FNIP1: variants seen among roughly 807,000 people sequenced by gnomAD.
FNIP1 encodes folliculin-interacting protein 1.
Under a neutral mutation model 124.5 loss-of-function variants are expected in FNIP1, and 40 were observed. That is an observed-to-expected ratio of 0.32 (90% CI 0.25 to 0.42). The LOEUF (loss-of-function observed/expected upper bound fraction) is 0.42, where lower values mean the gene tolerates loss of function less well. FNIP1 is among the 10% of genes least tolerant of loss of function. The pLI, the probability that FNIP1 is intolerant of heterozygous loss-of-function variation, is 1.00. For missense variants in FNIP1, 1,176 were observed against 1,403.7 expected (o/e 0.84, Z 2.59); for synonymous variants, 472 against 470.6 (o/e 1.00, Z -0.04).
rs931655299 is a variant in FNIP1, at chr5:131,644,399, C to A, written c.*286G>T. 2 of 258,830 alleles carry A rather than the reference C, an allele frequency of 7.7e-6. No individual in the cohort carries two copies. Among genetic ancestry groups the A allele is most frequent in the African/African-American group, 2.3e-5 (1 of 43,812 alleles). The allele number at this position is 258,830 out of a possible 1,614,324, so 16.0% of individuals were successfully genotyped here. On this transcript the variant is annotated 3_prime_UTR_variant, in exon 18 of 18. Coordinates refer to ENST00000510461, the MANE Select transcript of FNIP1 (RefSeq NM_133372.3). ...ATCACATGAAACTCTTGATAATATT[C>A]ATTTTGTAGAAATTTCTACCGTACA...
chr5:131,793,203 T>TTA (rs1347880284), intron 1 of FNIP1, among the ~76,000 whole-genome samples: 1 of 152,132 alleles, frequency 6.6e-6, no homozygotes, highest in African/African-American at 2.4e-5. Flanking sequence ...GGCTAATTTT[T>TTA]TATATTTTTT....
Position 131,672,601 on chromosome 5 carries a change from G to T in FNIP1, c.1843C>A (p.His615Asn). ...TPNCNCKYCS[H>N]PLLGQNVENI... ...TCTACATTTTGCCCAAGGAGTGGAT[G>T]ACTGCAATATTTACAGTTACAATTG... The change falls in exon 14 of 18, where the codon CAT becomes AAT. Residue 615 changes from histidine (H) to asparagine (N), a missense_variant. By Grantham distance (68) the His-to-Asn change is moderately conservative (BLOSUM62 1). This residue lies in a region of FNIP1 where 1,109 missense variants were observed against 1,288.5 expected (regional missense o/e 0.86). Transcript: ENST00000510461. 6.2e-7 allele frequency: 1 copy of T among 1,614,102 alleles called. No individual in the cohort carries two copies. Among genetic ancestry groups the T allele is most frequent in the South Asian group, 1.1e-5 (1 of 91,058 alleles).
At chr5:131,699,674 G>A (rs1178097677) in intron 10 of FNIP1, among the ~76,000 whole-genome samples, 2 of 151,910 alleles carry the variant, frequency 1.3e-5, no homozygotes, top group Admixed American at 6.5e-5. Context: ...TTATAGGCAT[G>A]AGCCACTGCC....
intron 1 of FNIP1, among the ~76,000 whole-genome samples, chr5:131,749,392 C>CTTT (rs1330566507): frequency 7.5e-6 from 1 of 133,098 alleles, no homozygotes; most frequent in Non-Finnish European, 1.6e-5. Flanking sequence ...CACTTTTTAT[C>CTTT]TTTTTTTTTT....
chr5:131,697,326 T>C (rs750431038), intron 11 of FNIP1, among the ~76,000 whole-genome samples: 30 of 152,226 alleles, frequency 2.0e-4, no homozygotes, highest in Non-Finnish European at 1.5e-4. Flanking sequence ...GGTCTCACTA[T>C]GTTGCCCAGG....
chr5:131,697,807 A>T (rs1022858131), intron 11 of FNIP1, among the ~76,000 whole-genome samples: 2 of 151,564 alleles, frequency 1.3e-5, no homozygotes, highest in Admixed American at 1.3e-4. Flanking sequence ...CTCTACTAAA[A>T]ATAAAAAAAA....
intron 1 of FNIP1, among the ~76,000 whole-genome samples, chr5:131,785,111 A>ATATATGATATATATGACTATATATATCG: frequency 4.5e-5 from 1 of 22,274 alleles, no homozygotes; most frequent in Non-Finnish European, 2.0e-4. Context: ...CTATATATAT[A>ATATATGATATATATGACTATATATATCG]TCATATATAT....
Position 131,643,349 on chromosome 5 carries a change from AATGATGAAATT to A in FNIP1, c.*1325_*1335del, listed in dbSNP as rs1480972066. 1 of 152,804 alleles carries A rather than the reference AATGATGAAATT, an allele frequency of 6.5e-6. No individual in the cohort carries two copies. Among genetic ancestry groups the A allele is most frequent in the Non-Finnish European group, 1.5e-5 (1 of 68,040 alleles). 9.5% of individuals were successfully genotyped at this position (152,804 alleles called of 1,614,324 possible). ...AACAAGTGGTTTTCTTTTTTTAATC[AATGATGAAATT>A]ATGATGAAAATAGTCAATGAAAGCA... On this transcript the variant is annotated 3_prime_UTR_variant, in exon 18 of 18. Coordinates refer to ENST00000510461, the MANE Select transcript of FNIP1 (RefSeq NM_133372.3).
chr5:131,714,577 A>C (rs776032192), intron 6 of FNIP1, among the ~76,000 whole-genome samples: 6 of 151,762 alleles, frequency 4.0e-5, no homozygotes, highest in Non-Finnish European at 7.4e-5. Flanking sequence ...CTTTACCCCT[A>C]CTCTGTGCTC....
intron 1 of FNIP1, among the ~76,000 whole-genome samples, chr5:131,776,879 T>C (rs1771825604): frequency 6.6e-6 from 1 of 152,152 alleles, no homozygotes. Context: ...TTTCAGAAAC[T>C]GTACTGAGGT....
At chr5:131,755,436 G>A (rs988883344) in intron 1 of FNIP1, among the ~76,000 whole-genome samples, 1 of 147,346 alleles carries the variant, frequency 6.8e-6, no homozygotes, top group African/African-American at 2.6e-5. Context: ...AAAAAAAAAC[G>A]AAGAAGAAGA....
chr5:131,734,985 T>C (rs929708815), intron 2 of FNIP1, among the ~76,000 whole-genome samples: 3 of 152,214 alleles, frequency 2.0e-5, no homozygotes, highest in Admixed American at 6.5e-5. Flanking sequence ...ATATAAATCA[T>C]GCTGCTATAA....
chr5:131,763,429 A>G (rs1455792718), intron 1 of FNIP1, among the ~76,000 whole-genome samples: 1 of 152,186 alleles, frequency 6.6e-6, no homozygotes, highest in Non-Finnish European at 1.5e-5. Context: ...TAAAGAAAAG[A>G]GTTTTAAATG....
intron 11 of FNIP1, among the ~76,000 whole-genome samples, chr5:131,680,542 G>A (rs1169544974): frequency 6.6e-6 from 1 of 152,154 alleles, no homozygotes; most frequent in Non-Finnish European, 1.5e-5. Flanking sequence ...GAAGACAAAT[G>A]TTTATCCTCT....
At chr5:131,666,088 T>G (rs912338416) in intron 15 of FNIP1, among the ~76,000 whole-genome samples, 2 of 151,420 alleles carry the variant, frequency 1.3e-5, no homozygotes, top group Admixed American at 6.6e-5. Flanking sequence ...GAGGTTTCAC[T>G]GTGTTAGCCA....
intron 1 of FNIP1, among the ~76,000 whole-genome samples, chr5:131,791,981 C>T (rs145933098): frequency 1.2e-3 from 182 of 152,190 alleles, no homozygotes; most frequent in African/African-American, 4.1e-3. Context: ...GTGGTTTTTA[C>T]ACAAAACTGA....
chr5:131,728,500 A>G (rs1769968044), intron 3 of FNIP1, among the ~76,000 whole-genome samples: 1 of 151,900 alleles, frequency 6.6e-6, no homozygotes, highest in Non-Finnish European at 1.5e-5. Context: ...TGCTTCATGA[A>G]GTTCTCGTAC....
chr5:131,796,810 C>T lies in FNIP1; in HGVS notation c.92+20G>A. On this transcript the variant is annotated intron_variant, in intron 1 of 17. Transcript: ENST00000510461. ...CCACAAGGCCATCGGCTCCGCGACCCCCGCCCCACAGCGCCCTACCTGAAC... is the reference window on the plus strand; with the variant it reads ...CCACAAGGCCATCGGCTCCGCGACCTCCGCCCCACAGCGCCCTACCTGAAC... 1.3e-6 allele frequency: 2 copies of T among 1,561,192 alleles called. No individual in the cohort carries two copies. Among genetic ancestry groups the T allele is most frequent in the Non-Finnish European group, 1.7e-6 (2 of 1,153,240 alleles).
chr5:131,703,088 T>C (rs1418949903), intron 10 of FNIP1, among the ~76,000 whole-genome samples: 1 of 152,240 alleles, frequency 6.6e-6, no homozygotes, highest in Non-Finnish European at 1.5e-5. Context: ...ATCAAATCTG[T>C]TTCGCTTGCA....
Sources: gnomAD v4.1 joint callset for allele counts (sites outside exome capture counted in the v4.1 genomes callset) on GRCh38, gnomAD v4.1.1 for gene constraint, gnomAD v4.1.1 regional missense constraint, MANE v1.5 for transcripts, NCBI Gene and HGNC (gene_info 2026-07-23, HGNC 2026-07-21) for gene names.